The following SHANK1 variants were observed in gnomAD, a reference collection of about 807,000 sequenced individuals.
SHANK1 encodes SH3 and multiple ankyrin repeat domains protein 1.
SHANK1 carries 35 observed loss-of-function variants against 165.6 expected under a neutral mutation model. The ratio of observed to expected loss-of-function variants is 0.21; its 90% CI spans 0.16 to 0.28. SHANK1 has a LOEUF of 0.28. Among genes scored for constraint, SHANK1 ranks in the 10% least tolerant of loss-of-function variants. The pLI is 1.00. For synonymous variants in SHANK1, 1,428 were observed against 1,384.8 expected (o/e 1.03, Z -0.69); for missense variants, 2,681 against 3,036.4 (o/e 0.88, Z 2.75).
chr19:50,676,372 G>A (rs1449360821), intron 21 of SHANK1, among the ~76,000 whole-genome samples: 1 of 152,162 alleles, frequency 6.6e-6, no homozygotes, highest in East Asian at 1.9e-4. Context: ...ACTCCTGGAG[G>A]AGGTGAAGGA....
chr19:50,716,557 A>G lies in SHANK1; in HGVS notation c.256-79T>C, dbSNP rs2089071921. 1 of 1,577,522 alleles carries G rather than the reference A, an allele frequency of 6.3e-7. No individual in the cohort carries two copies. The highest frequency in any genetic ancestry group is 1.2e-5 in the South Asian group (1 of 85,848). On this transcript the variant is annotated intron_variant, in intron 2 of 23. Coordinates refer to ENST00000293441, the MANE Select transcript of SHANK1 (RefSeq NM_016148.5). The surrounding 1 kb of genome is among the most constrained non-coding windows in gnomAD (Gnocchi z 8.4). ...GAGGTGGGTTGGGAAGTGAGCCAGG[A>G]GCTGAGTGTGGGGGTGATTCCTGGG...
At position 50,686,242 on chromosome 19, in the gene SHANK1, T is replaced by G; in HGVS notation, c.2572A>C (p.Thr858Pro). The G allele has an allele frequency of 6.3e-7, 1 of 1,593,120 alleles. No individual in the cohort carries two copies. The highest frequency in any genetic ancestry group is 8.6e-7 in the Non-Finnish European group (1 of 1,168,026). Residue 858 changes from threonine to proline, a missense_variant, in exon 21 of 24, where the codon ACT becomes CCT. Thr to Pro is a conservative substitution (Grantham distance 38). Coordinates refer to ENST00000293441, the MANE Select transcript of SHANK1 (RefSeq NM_016148.5). This position sits in a 1 kb window ranked among gnomAD's most constrained non-coding sequence, Gnocchi z 5.7. ...GKHRPKGFFA[T>P]ESSFDPHHRA... ...CCCCACACCAGGCCGCCTACCTCAG[T>G]GGCAAAGAAACCTTTGGGTCGGTGT...
At chr19:50,695,411 G>T (rs1000782173) in intron 15 of SHANK1, among the ~76,000 whole-genome samples, 4 of 150,652 alleles carry the variant, frequency 2.7e-5, no homozygotes, top group South Asian at 2.1e-4. Flanking sequence ...GGCCGGGCAG[G>T]GGGGAGGGGG....
intron 21 of SHANK1, among the ~76,000 whole-genome samples, chr19:50,680,478 C>T (rs561052647): frequency 1.2e-4 from 19 of 152,200 alleles, no homozygotes; most frequent in Admixed American, 1.2e-3. Context: ...AAAGCCATAC[C>T]GAGGGGCGGA....
rs199610046 is a variant in SHANK1, at chr19:50,662,563, G to C, written c.5888C>G (p.Ala1963Gly). ...PTGTGVSPTA[A>G]AAPGATSPSA... ...GGGTGAGGTGGCCCCTGGGGCCGCA[G>C]CGGCTGTAGGGGAGACCCCTGTTCC... Residue 1963 changes from alanine (A) to glycine (G), a missense_variant, in exon 24 of 24, where the codon GCT (alanine) becomes GGT (glycine). Ala to Gly is a moderately conservative substitution (Grantham distance 60, BLOSUM62 0). Coordinates refer to ENST00000293441, the MANE Select transcript of SHANK1 (RefSeq NM_016148.5). The surrounding 1 kb of genome is among the most constrained non-coding windows in gnomAD (Gnocchi z 7.7). 3.5e-4 allele frequency: 554 copies of C among 1,562,454 alleles called. 2 individuals are homozygous for C. The African/African-American group carries it at 6.4e-3, about 18-fold the overall frequency.
In SHANK1 at chr19:50,667,567, C is replaced by G. The variant is rs1156877124; in HGVS notation, c.4393G>C (p.Glu1465Gln). The change falls in exon 23 of 24, where the codon GAG becomes CAG. Residue 1465 changes from glutamate (E) to glutamine (Q), a missense_variant. By Grantham distance (29) the Glu-to-Gln change is conservative. Transcript: ENST00000293441. This position sits in a 1 kb window ranked among gnomAD's most constrained non-coding sequence, Gnocchi z 5.7. The part of the protein sequence containing the change: ...VGPLLLQLGT[E>Q]PPAPHPGVSK... ...ACTCCGGGGTGCGGGGCCGGGGGCTCCGTCCCCAGCTGCAGCAGGAGGGGC... is the reference window on the plus strand; with the variant it reads ...ACTCCGGGGTGCGGGGCCGGGGGCTGCGTCCCCAGCTGCAGCAGGAGGGGC... 2 of 1,449,118 alleles carry G rather than the reference C, an allele frequency of 1.4e-6. No homozygotes were observed. The highest frequency in any genetic ancestry group is 5.2e-5 in the East Asian group (2 of 38,762). 89.8% of individuals were successfully genotyped at this position (1,449,118 alleles called of 1,614,324 possible).
chr19:50,718,339 C>T lies in SHANK1; in HGVS notation c.-44+1067G>A, dbSNP rs1301619520. 6.6e-6 allele frequency among the ~76,000 whole-genome samples: 1 copy of T among 152,108 alleles called. No individual in the cohort carries two copies. The highest frequency in any genetic ancestry group is 1.5e-5 in the Non-Finnish European group (1 of 67,986). ...GCCTCCTCCCTGCCCCGCCGCACAG[C>T]CCACCTCGCGATCTGGGGCCCGCAG... is the stretch of plus-strand genomic sequence containing the variant. On this transcript the variant is annotated intron_variant, in intron 1 of 23. Transcript: ENST00000293441. The surrounding 1 kb of genome is among the most constrained non-coding windows in gnomAD (Gnocchi z 5.1).
chr19:50,714,033 AC>A (rs1419634708), intron 5 of SHANK1, 84 bp from the exon 6 acceptor site: 9 of 1,567,562 alleles, frequency 5.7e-6, no homozygotes, highest in Non-Finnish European at 2.6e-6. Context: ...GCAGCTCTCC[AC>A]CCCACAGCCT....
At position 50,703,785 on chromosome 19, in the gene SHANK1, G is replaced by T; in HGVS notation, c.1268C>A (p.Pro423His). 7.0e-7 allele frequency: 1 copy of T among 1,429,078 alleles called. No individual in the cohort carries two copies. The allele number at this position is 1,429,078 out of a possible 1,614,324, so 88.5% of individuals were successfully genotyped here. The stretch of plus-strand genomic sequence containing the variant: ...GGGCACCGTCAGCCCTGTGCCTGGG[G>T]GCCCCCGTCGCCGGGCCGCGTACTT... Reference protein sequence around the residue: ...SPKYAARRRGPPGTGLTVPPA... With the variant: ...SPKYAARRRGHPGTGLTVPPA... The change falls in exon 11 of 24, where the codon CCC becomes CAC. Residue 423 changes from proline (P) to histidine (H), a missense_variant. Transcript: ENST00000293441.
In SHANK1 at chr19:50,703,638, G is replaced by A. The variant is rs769388904; in HGVS notation, c.1415C>T (p.Ser472Leu). The part of the protein sequence containing the change: ...PGPTSGSQGQ[S>L]QPSAPTTKLS... ...CTTGGTGGTGGGGGCCGAGGGCTGC[G>A]ACTGGCCCTGGGACCCTGAGGTAGG... Residue 472 changes from serine (S) to leucine (L), a missense_variant, in exon 11 of 24, where the codon TCG becomes TTG. Ser to Leu is a moderately radical substitution (Grantham distance 145). Coordinates refer to ENST00000293441, the MANE Select transcript of SHANK1 (RefSeq NM_016148.5). 83 of 1,540,840 alleles carry A rather than the reference G, an allele frequency of 5.4e-5. No homozygotes were observed. In the Middle Eastern group the frequency reaches 5.4e-4, roughly 10 times the overall value.
chr19:50,716,217 G>A lies in SHANK1; in HGVS notation c.459+58C>T. The A allele has an allele frequency of 6.6e-7, 1 of 1,511,720 alleles. No homozygotes were observed. Among genetic ancestry groups the A allele is most frequent in the Non-Finnish European group, 9.2e-7 (1 of 1,090,200 alleles). 93.6% of individuals were successfully genotyped at this position (1,511,720 alleles called of 1,614,324 possible). On this transcript the variant is annotated intron_variant, in intron 3 of 23. Transcript: ENST00000293441. This position sits in a 1 kb window ranked among gnomAD's most constrained non-coding sequence, Gnocchi z 8.4. ...GAGTGTGTTAAAAAGTGGGTGGGGG[G>A]CAGATGTGTTTTAGGGCATGCCTTC...
rs1985142663 is a variant in SHANK1 at position 50,660,171 on chromosome 19, G to A, written c.*1794C>T. 6.6e-6 allele frequency among the ~76,000 whole-genome samples: 1 copy of A among 152,074 alleles called. No homozygotes were observed. Among genetic ancestry groups the A allele is most frequent in the South Asian group, 2.1e-4 (1 of 4,822 alleles). On this transcript the variant is annotated 3_prime_UTR_variant, in exon 24 of 24. Coordinates refer to ENST00000293441, the MANE Select transcript of SHANK1 (RefSeq NM_016148.5). The stretch of plus-strand genomic sequence containing the variant: ...CCCCCCTTTACCCACAGCAGGGGAG[G>A]GGGCTTTTCAGGGGGAGGGGTGGCT...
chr19:50,713,839 G>T lies in SHANK1; in HGVS notation c.751C>A (p.Leu251Met). 2 of 1,613,944 alleles carry T rather than the reference G, an allele frequency of 1.2e-6. No individual in the cohort carries two copies. Among genetic ancestry groups the T allele is most frequent in the Non-Finnish European group, 1.7e-6 (2 of 1,180,018 alleles). Residue 251 changes from leucine to methionine, a missense_variant, in exon 6 of 24, where the codon CTG (leucine) becomes ATG (methionine). Around this residue, in one of 10 missense-constraint regions of SHANK1, gnomAD observed 189 missense variants for 440.9 expected, o/e 0.43. Transcript: ENST00000293441. The surrounding 1 kb of genome is among the most constrained non-coding windows in gnomAD (Gnocchi z 6.2). Reference sequence around the variant, plus strand: ...TGTCGGGCGCATGCGGCCTTATGCAGTGCGGTCATGCCATCCCGGGCCCGG... The same window carrying T: ...TGTCGGGCGCATGCGGCCTTATGCATTGCGGTCATGCCATCCCGGGCCCGG... ...DFRARDGMTA[L>M]HKAACARHCL...
rs909347726 is a variant in SHANK1, at chr19:50,716,562, AGT to A, written c.256-86_256-85del. On this transcript the variant is annotated intron_variant, in intron 2 of 23. Transcript: ENST00000293441. The surrounding 1 kb of genome is among the most constrained non-coding windows in gnomAD (Gnocchi z 8.4). The stretch of plus-strand genomic sequence containing the variant: ...GGGTTGGGAAGTGAGCCAGGAGCTG[AGT>A]GTGGGGGTGATTCCTGGGAGGATAC... 13 of 1,569,852 alleles carry A rather than the reference AGT, an allele frequency of 8.3e-6. No homozygotes were observed. The highest frequency in any genetic ancestry group is 1.7e-5 in the Admixed American group (1 of 57,446).
intron 15 of SHANK1, among the ~76,000 whole-genome samples, chr19:50,695,964 C>A (rs1181194635): frequency 6.6e-6 from 1 of 152,150 alleles, no homozygotes; most frequent in Non-Finnish European, 1.5e-5. Context: ...GCCCTGGCTG[C>A]CGGGCGCACG....
intron 7 of SHANK1, 103 bp from the exon 8 acceptor site, chr19:50,711,590 G>A (rs954356522): frequency 4.8e-5 from 39 of 816,768 alleles, no homozygotes; most frequent in African/African-American, 3.7e-4. Flanking sequence ...TCATCCTATC[G>A]TTCACCGCAT....
At chr19:50,672,555 CAAAAAAAAAA>C (rs3987747) in intron 21 of SHANK1, among the ~76,000 whole-genome samples, 1 of 35,508 alleles carries the variant, frequency 2.8e-5, no homozygotes, top group Non-Finnish European at 5.4e-5. Flanking sequence ...GACTCTGTCT[CAAAAAAAAAA>C]AAAAAAAAAA....
In SHANK1 at chr19:50,662,498, C is replaced by T; in HGVS notation, c.5953G>A (p.Gly1985Ser). 6.4e-7 allele frequency: 1 copy of T among 1,559,980 alleles called. No individual in the cohort carries two copies. Among genetic ancestry groups the T allele is most frequent in the Non-Finnish European group, 8.7e-7 (1 of 1,152,280 alleles). ...SSSTSTRHLQ[G>S]VEFEMRPPLL... ...GGGGGCCGCATCTCGAACTCCACGC[C>T]CTGGAGGTGGCGGGTGGACGTGGAG... The change falls in exon 24 of 24, where the codon GGC becomes AGC. Residue 1985 changes from glycine to serine, a missense_variant. Gly to Ser is a moderately conservative substitution (Grantham distance 56, BLOSUM62 0). This residue lies in a region of SHANK1 where 1,713 missense variants were observed against 1,630.2 expected (regional missense o/e 1.05). Transcript: ENST00000293441. This position sits in a 1 kb window ranked among gnomAD's most constrained non-coding sequence, Gnocchi z 7.7.
Position 50,662,284 on chromosome 19 carries a change from G to A in SHANK1, c.6167C>T (p.Pro2056Leu), listed in dbSNP as rs200883351. 1.7e-4 allele frequency: 279 copies of A among 1,611,796 alleles called. No homozygotes were observed. Among genetic ancestry groups the A allele is most frequent in the Non-Finnish European group, 2.2e-4 (265 of 1,178,692 alleles). Residue 2056 changes from proline to leucine, a missense_variant, in exon 24 of 24, where the codon CCG becomes CTG. Physicochemically the swap from Pro to Leu is moderately conservative, Grantham distance 98. Around this residue, in one of 10 missense-constraint regions of SHANK1, gnomAD observed 1,713 missense variants for 1,630.2 expected, o/e 1.05. Coordinates refer to ENST00000293441, the MANE Select transcript of SHANK1 (RefSeq NM_016148.5). The surrounding 1 kb of genome is among the most constrained non-coding windows in gnomAD (Gnocchi z 7.7). Reference protein sequence around the residue: ...SADPFAPVFVPPHPGISGGLG... With the variant: ...SADPFAPVFVLPHPGISGGLG... ...CCCCCCGGATATCCCCGGGTGTGGC[G>A]GCACAAAGACTGGGGCGAAGGGGTC...
Sources: gnomAD v4.1 joint callset for allele counts (sites outside exome capture counted in the v4.1 genomes callset) on GRCh38, gnomAD v4.1.1 for gene constraint, gnomAD v4.1.1 regional missense constraint, Gnocchi (gnomAD v3.1) non-coding constraint, MANE v1.5 for transcripts, NCBI Gene and HGNC (gene_info 2026-07-23, HGNC 2026-07-21) for gene names.